PLEKHM2: variants seen among roughly 807,000 people sequenced by gnomAD.
PLEKHM2 encodes the protein pleckstrin homology domain-containing family M member 2.
PLEKHM2 carries 77 observed loss-of-function variants against 116.3 expected under a neutral mutation model. The ratio of observed to expected loss-of-function variants is 0.66; its 90% confidence interval spans 0.55 to 0.80. PLEKHM2 has a LOEUF of 0.80. PLEKHM2 is among the 30% of genes least tolerant of loss of function. The pLI, the probability that PLEKHM2 is intolerant of heterozygous loss-of-function variation, is 0.00. For missense variants in PLEKHM2, 1,183 were observed against 1,354.9 expected (o/e 0.87, Z 1.99); for synonymous variants, 562 against 571.0 (o/e 0.98, Z 0.22).
intron 7 of PLEKHM2, 111 bp from the exon 8 acceptor site, chr1:15,725,206 C>T: frequency 2.7e-6 from 2 of 729,468 alleles, no homozygotes; most frequent in East Asian, 2.7e-5. Context: ...TGTCAGGTTT[C>T]CCTGGGAGGA....
chr1:15,688,632 A>G (rs1640822426), intron 1 of PLEKHM2, among the ~76,000 whole-genome samples: 1 of 148,262 alleles, frequency 6.7e-6, no homozygotes, highest in Non-Finnish European at 1.5e-5. Context: ...CGTGGGTGAC[A>G]GAGGGAGACT....
At chr1:15,693,042 CTT>C (rs922212762) in intron 1 of PLEKHM2, among the ~76,000 whole-genome samples, 25 of 126,830 alleles carry the variant, frequency 2.0e-4, no homozygotes, top group Admixed American at 2.5e-4. Context: ...CCTAGCCACA[CTT>C]TTTTTTTTTT....
Position 15,727,462 on chromosome 1 carries a change from T to C in PLEKHM2, c.1390T>C (p.Phe464Leu). 1 of 1,603,724 alleles carries C rather than the reference T, an allele frequency of 6.2e-7. No homozygotes were observed. The highest frequency in any genetic ancestry group is 8.5e-7 in the Non-Finnish European group (1 of 1,175,868). ...FSEGLSAPMD[F>L]YRFTVESPST... ...TGAGGGGCTTTCAGCCCCAATGGACTTCTACCGCTTTACCGTCGAGAGTCC... is the reference window on the plus strand; with the variant it reads ...TGAGGGGCTTTCAGCCCCAATGGACCTCTACCGCTTTACCGTCGAGAGTCC... Residue 464 changes from phenylalanine to leucine, a missense_variant, in exon 9 of 20, where the codon TTC becomes CTC. By Grantham distance (22) the Phe-to-Leu change is conservative (BLOSUM62 0). Around this residue, in one of 3 missense-constraint regions of PLEKHM2, gnomAD observed 372 missense variants for 357.2 expected, o/e 1.04. Transcript: ENST00000375799. This position sits in a 1 kb window ranked among gnomAD's most constrained non-coding sequence, Gnocchi z 7.5.
Position 15,728,862 on chromosome 1 carries a change from C to A in PLEKHM2, c.1986+129C>A. The A allele has an allele frequency of 2.2e-6, 2 of 894,448 alleles. No homozygotes were observed. Among genetic ancestry groups the A allele is most frequent in the South Asian group, 1.5e-5 (1 of 66,254 alleles). The allele number at this position is 894,448 out of a possible 1,614,324, so 55.4% of individuals were successfully genotyped here. On this transcript the variant is annotated intron_variant, in intron 12 of 19. Coordinates refer to ENST00000375799, the MANE Select transcript of PLEKHM2 (RefSeq NM_015164.4). The surrounding 1 kb of genome is among the most constrained non-coding windows in gnomAD (Gnocchi z 5.9). ...CGGGGTTGGGCACCAACTTAACTCT[C>A]AGAGAGGCTTCTGTACACGATGCTG...
chr1:15,729,802 T>A lies in PLEKHM2; in HGVS notation c.2081T>A (p.Phe694Tyr). ...DTADVALAEF[F>Y]LASLKSAMIK... The stretch of plus-strand genomic sequence containing the variant: ...AAACCTCACTCCCTATGCAGGTTCT[T>A]TTTGGCTTCTTTGAAGTCAGCCATG... The change falls in exon 14 of 20, where the codon TTT becomes TAT. Residue 694 changes from phenylalanine (F) to tyrosine (Y), a missense_variant. Physicochemically the swap from Phe to Tyr is conservative, Grantham distance 22. Coordinates refer to ENST00000375799, the MANE Select transcript of PLEKHM2 (RefSeq NM_015164.4). This position sits in a 1 kb window ranked among gnomAD's most constrained non-coding sequence, Gnocchi z 4.7. 6.2e-7 allele frequency: 1 copy of A among 1,611,910 alleles called. No homozygotes were observed.
In PLEKHM2 at chr1:15,728,641, T is replaced by C; in HGVS notation, c.1922-28T>C. On this transcript the variant is annotated intron_variant, in intron 11 of 19. Transcript: ENST00000375799. The surrounding 1 kb of genome is among the most constrained non-coding windows in gnomAD (Gnocchi z 5.9). Reference sequence around the variant, plus strand: ...GGGAGGGAAAAGAGGCCTGTGGGGATAATAGGCCTTGGGGTTTCCTCTCTC... The same window carrying C: ...GGGAGGGAAAAGAGGCCTGTGGGGACAATAGGCCTTGGGGTTTCCTCTCTC... 2 of 1,583,858 alleles carry C rather than the reference T, an allele frequency of 1.3e-6. No individual in the cohort carries two copies. Among genetic ancestry groups the C allele is most frequent in the Non-Finnish European group, 1.7e-6 (2 of 1,159,038 alleles).
At chr1:15,722,794 T>C (rs1357692060) in intron 7 of PLEKHM2, 1 of 152,208 alleles carries the variant, frequency 6.6e-6, no homozygotes, top group Non-Finnish European at 1.5e-5. Context: ...TGTACCCTCT[T>C]AGCCCCTCTT....
intron 1 of PLEKHM2, among the ~76,000 whole-genome samples, chr1:15,708,156 A>T (rs1641262014): frequency 6.6e-6 from 1 of 151,500 alleles, no homozygotes; most frequent in Admixed American, 6.6e-5. Context: ...AAGTGCTGGG[A>T]TTACCAGCGT....
intron 19 of PLEKHM2, 105 bp from the exon 20 acceptor site, chr1:15,733,692 C>T (rs2068179922): frequency 8.0e-7 from 1 of 1,250,960 alleles, no homozygotes; most frequent in Non-Finnish European, 1.1e-6. Context: ...GAGGGCCTGA[C>T]AGGGGCTCCG....
rs760586074 is a variant in PLEKHM2 at position 15,733,780 on chromosome 1, TGCAC to T, written c.2923-14_2923-11del. 1 of 1,611,444 alleles carries T rather than the reference TGCAC, an allele frequency of 6.2e-7. No homozygotes were observed. Among genetic ancestry groups the T allele is most frequent in the African/African-American group, 1.3e-5 (1 of 75,032 alleles). ...CCCTCAGTGGCCCTCATCTGTTCTC[TGCAC>T]GCCCCAACACAGGTGGACCTCCCCC... On this transcript the variant is annotated splice_polypyrimidine_tract_variant and intron_variant, in intron 19 of 19. Coordinates refer to ENST00000375799, the MANE Select transcript of PLEKHM2 (RefSeq NM_015164.4).
rs1640717641 is a variant in PLEKHM2, at chr1:15,684,468, G to C, written c.-91G>C. 1.4e-6 allele frequency: 1 copy of C among 740,102 alleles called. No homozygotes were observed. The highest frequency in any genetic ancestry group is 1.3e-4 in the East Asian group (1 of 7,420). The allele number at this position is 740,102 out of a possible 1,614,324, so 45.8% of individuals were successfully genotyped here. ...AGCCCCCGTACGGCCGGCGGCAGCG[G>C]TTGGCGGCGGCCCCCGGCCCCCGGC... On this transcript the variant is annotated 5_prime_UTR_variant, in exon 1 of 20. Transcript: ENST00000375799.
rs2148373726 is a variant in PLEKHM2 at position 15,728,176 on chromosome 1, A to G, written c.1830+28A>G. 3 of 1,607,606 alleles carry G rather than the reference A, an allele frequency of 1.9e-6. 1 individual carries two copies. The highest frequency in any genetic ancestry group is 2.2e-5 in the South Asian group (2 of 90,516). ...AAGTCCTAGGAACTCAGGAGTGAGC[A>G]AGAGACGGCAAGGGCAAGGCGGGAT... On this transcript the variant is annotated intron_variant, in intron 10 of 19. Coordinates refer to ENST00000375799, the MANE Select transcript of PLEKHM2 (RefSeq NM_015164.4). The surrounding 1 kb of genome is among the most constrained non-coding windows in gnomAD (Gnocchi z 5.9).
rs950135893 is a variant in PLEKHM2 at position 15,729,326 on chromosome 1, C to G, written c.2075+136C>G. ...GAAACCAGATGTATTCCCTCTGGAA[C>G]CTGCATCTGCTCAGAGAGGCAGGCA... On this transcript the variant is annotated intron_variant, in intron 13 of 19. Coordinates refer to ENST00000375799, the MANE Select transcript of PLEKHM2 (RefSeq NM_015164.4). The surrounding 1 kb of genome is among the most constrained non-coding windows in gnomAD (Gnocchi z 4.7). 13 of 734,588 alleles carry G rather than the reference C, an allele frequency of 1.8e-5. No individual in the cohort carries two copies. The highest frequency in any genetic ancestry group is 3.5e-5 in the African/African-American group (2 of 57,778). 45.5% of individuals were successfully genotyped at this position (734,588 alleles called of 1,614,324 possible).
intron 1 of PLEKHM2, among the ~76,000 whole-genome samples, chr1:15,686,026 T>C (rs1640762753): frequency 6.6e-6 from 1 of 152,136 alleles, no homozygotes; most frequent in African/African-American, 2.4e-5. Context: ...AGGCCCGGCG[T>C]TTGTCTTTGG....
chr1:15,720,445 A>T, intron 6 of PLEKHM2: 1 of 985,196 alleles, frequency 1.0e-6, no homozygotes. Flanking sequence ...TGTGTTTGGG[A>T]TGGTCGCACC....
At chr1:15,685,557 A>AAAAAAAG (rs1553157089) in intron 1 of PLEKHM2, among the ~76,000 whole-genome samples, 13 of 148,004 alleles carry the variant, frequency 8.8e-5, no homozygotes, top group African/African-American at 3.4e-4. Context: ...AAAAAAAAAA[A>AAAAAAAG]AAAGAAAGAA....
chr1:15,733,134 G>T (rs533989426), intron 19 of PLEKHM2, among the ~76,000 whole-genome samples: 1 of 152,230 alleles, frequency 6.6e-6, no homozygotes, highest in Admixed American at 6.5e-5. Context: ...GAGCTGTCTG[G>T]GGGCAGAGGC....
At chr1:15,693,368 T>C (rs1341017253) in intron 1 of PLEKHM2, among the ~76,000 whole-genome samples, 1 of 152,196 alleles carries the variant, frequency 6.6e-6, no homozygotes, top group Non-Finnish European at 1.5e-5. Flanking sequence ...TAAGATATGG[T>C]TCTCCTTTTA....
intron 1 of PLEKHM2, among the ~76,000 whole-genome samples, chr1:15,701,035 C>T (rs1480546151): frequency 1.3e-5 from 2 of 149,434 alleles, no homozygotes. Flanking sequence ...ATCGCTCGAA[C>T]CCAGGAGGCG....
Sources: gnomAD v4.1 joint callset for allele counts (sites outside exome capture counted in the v4.1 genomes callset) on GRCh38, gnomAD v4.1.1 for gene constraint, gnomAD v4.1.1 regional missense constraint, Gnocchi (gnomAD v3.1) non-coding constraint, MANE v1.5 for transcripts, NCBI Gene and HGNC (gene_info 2026-07-23, HGNC 2026-07-21) for gene names.